Variants in LNX1 observed in about 807,000 individuals in gnomAD.
LNX1 encodes ligand of numb-protein X 1, also known as E3 ubiquitin-protein ligase LNX.
A neutral mutation model predicts 68.4 loss-of-function variants in LNX1; 54 were observed. The observed-to-expected ratio is 0.79, with a 90% CI of 0.63 to 0.99. The LOEUF (loss-of-function observed/expected upper bound fraction) is 0.99, where lower values mean the gene tolerates loss of function less well. LNX1 is among the 50% of genes least tolerant of loss of function. LNX1 has a pLI of 0.00. For missense variants in LNX1, 906 were observed against 926.4 expected (o/e 0.98, Z 0.29); for synonymous variants, 336 against 350.0 (o/e 0.96, Z 0.45).
intron 1 of LNX1, among the ~76,000 whole-genome samples, chr4:53,575,150 T>A (rs1731405457): frequency 6.6e-6 from 1 of 152,018 alleles, no homozygotes; most frequent in Non-Finnish European, 1.5e-5. Context: ...CCTGGCTAAT[T>A]TTTGTATTTT....
intron 2 of LNX1, among the ~76,000 whole-genome samples, chr4:53,600,843 G>T (rs1732970704): frequency 1.3e-5 from 2 of 150,284 alleles, no homozygotes; most frequent in South Asian, 4.3e-4. Context: ...CGATTTTCCT[G>T]CCTCAGCCTC....
chr4:53,546,942 A>T (rs1429311542), intron 2 of LNX1, among the ~76,000 whole-genome samples: 1 of 152,198 alleles, frequency 6.6e-6, no homozygotes. Flanking sequence ...GCCTCTCTCC[A>T]TGGAATTTCC....
At chr4:53,619,519 A>G (rs1287136141), upstream of LNX1, among the ~76,000 whole-genome samples, 1 of 152,134 alleles carries the variant, frequency 6.6e-6, no homozygotes, top group Non-Finnish European at 1.5e-5. Flanking sequence ...GGTCATGCTT[A>G]TCCATGTTAG....
At chr4:53,500,641 C>T (rs1226010823) in intron 4 of LNX1, 1 of 152,100 alleles carries the variant, frequency 6.6e-6, no homozygotes, top group Non-Finnish European at 1.5e-5. Flanking sequence ...AGAGGAAACC[C>T]GAGATGTTGT....
At chr4:53,517,385 C>T (rs887258043) in intron 2 of LNX1, among the ~76,000 whole-genome samples, 5 of 152,094 alleles carry the variant, frequency 3.3e-5, no homozygotes, top group African/African-American at 1.2e-4. Context: ...CATCAGTCAG[C>T]GCCTTCCAAA....
chr4:53,579,813 C>T (rs1002824), intron 1 of LNX1, among the ~76,000 whole-genome samples: 1 of 151,994 alleles, frequency 6.6e-6, no homozygotes, highest in South Asian at 2.1e-4. Flanking sequence ...CCAGAATAAA[C>T]CACATACTCC....
chr4:53,521,020 A>G (rs1727175380), intron 2 of LNX1, among the ~76,000 whole-genome samples: 1 of 152,196 alleles, frequency 6.6e-6, no homozygotes, highest in African/African-American at 2.4e-5. Flanking sequence ...GGAGACAACC[A>G]AAGTCTAGCT....
intron 6 of LNX1, 81 bp downstream of exon 6, chr4:53,495,941 AG>A: frequency 1.3e-6 from 2 of 1,497,242 alleles, no homozygotes; most frequent in South Asian, 1.3e-5. Flanking sequence ...TGGTAGTGAC[AG>A]GGTGCCTGGT....
chr4:53,640,389 C>T (rs1734633538), intron 1 of LNX1, among the ~76,000 whole-genome samples: 1 of 152,092 alleles, frequency 6.6e-6, no homozygotes, highest in Non-Finnish European at 1.5e-5. Context: ...GGATGGACCT[C>T]TGTATAAGCT....
intron 1 of LNX1, chr4:53,576,206 C>A: frequency 6.3e-7 from 1 of 1,594,518 alleles, no homozygotes; most frequent in Non-Finnish European, 8.5e-7. Context: ...ACAATCTCCA[C>A]CAGTGCCCTG....
chr4:53,472,685 C>CAAAAAAAA (rs1309297098), intron 9 of LNX1, among the ~76,000 whole-genome samples: 19 of 74,614 alleles, frequency 2.5e-4, no homozygotes, highest in Non-Finnish European at 3.7e-4. Context: ...ACAACAACAA[C>CAAAAAAAA]AAAAAAAAAA....
chr4:53,512,008 A>AT (rs1184950065), intron 2 of LNX1, among the ~76,000 whole-genome samples: 2 of 152,200 alleles, frequency 1.3e-5, no homozygotes, highest in East Asian at 3.9e-4. Context: ...TCACTGTTGC[A>AT]TTAGCAAACA....
chr4:53,498,595 T>C, intron 5 of LNX1, 46 bp downstream of exon 5: 1 of 1,463,974 alleles, frequency 6.8e-7, no homozygotes, highest in Non-Finnish European at 9.6e-7. Flanking sequence ...AGAAGCATTT[T>C]TTTATATCAA....
chr4:53,471,696 C>G (rs1723196630), intron 9 of LNX1, among the ~76,000 whole-genome samples: 1 of 152,090 alleles, frequency 6.6e-6, no homozygotes, highest in African/African-American at 2.4e-5. Flanking sequence ...AGACACTTCT[C>G]AAAAGAAGAC....
At chr4:53,506,733 G>A (rs767326041) in intron 4 of LNX1, among the ~76,000 whole-genome samples, 10 of 151,662 alleles carry the variant, frequency 6.6e-5, no homozygotes, top group Admixed American at 2.0e-4. Flanking sequence ...GTGGGTGCCT[G>A]TAATCCCACC....
At chr4:53,479,286 C>A (rs765289405) in intron 7 of LNX1, among the ~76,000 whole-genome samples, 19 of 152,304 alleles carry the variant, frequency 1.2e-4, no homozygotes, top group Middle Eastern at 3.4e-3. Context: ...TTCAAAAACA[C>A]TCTGTCATTT....
chr4:53,509,841 C>A (rs2109526978), intron 2 of LNX1, among the ~76,000 whole-genome samples: 1 of 152,298 alleles, frequency 6.6e-6, no homozygotes, highest in Middle Eastern at 3.4e-3. Flanking sequence ...GTCACCATCC[C>A]AGCACTGCAA....
intron 2 of LNX1, among the ~76,000 whole-genome samples, chr4:53,599,664 A>G (rs1442375492): frequency 6.6e-6 from 1 of 152,158 alleles, no homozygotes; most frequent in African/African-American, 2.4e-5. Flanking sequence ...CCAGTTGACT[A>G]TAGAGCCCAT....
intron 2 of LNX1, among the ~76,000 whole-genome samples, chr4:53,541,444 T>C (rs1006110865): frequency 2.0e-5 from 3 of 152,230 alleles, no homozygotes; most frequent in African/African-American, 7.2e-5. Context: ...CTTGGTAGTT[T>C]CTAAGACTGA....
Sources: gnomAD v4.1 joint callset for allele counts (sites outside exome capture counted in the v4.1 genomes callset) on GRCh38, gnomAD v4.1.1 for gene constraint, MANE v1.5 for transcripts, NCBI Gene and HGNC (gene_info 2026-07-23, HGNC 2026-07-21) for gene names.